ADGRB3: variants seen among roughly 807,000 people sequenced by gnomAD.
ADGRB3 encodes the protein brain-specific angiogenesis inhibitor 3.
Under a neutral mutation model 193.4 loss-of-function variants are expected in ADGRB3, and 37 were observed. The observed-to-expected ratio is 0.19, with a 90% CI of 0.15 to 0.25. The LOEUF (loss-of-function observed/expected upper bound fraction) is 0.25. Ranked by LOEUF, ADGRB3 falls within the 10% of genes least tolerant of loss-of-function variation. The pLI is 1.00. For missense variants in ADGRB3, 1,637 were observed against 1,852.9 expected (o/e 0.88, Z 2.14); for synonymous variants, 690 against 644.2 (o/e 1.07, Z -1.08).
At chr6:69,010,596 A>G (rs1463712091) in intron 11 of ADGRB3, among the ~76,000 whole-genome samples, 1 of 151,990 alleles carries the variant, frequency 6.6e-6, no homozygotes, top group African/African-American at 2.4e-5. Context: ...TTACTCTTGT[A>G]TTACAGATTC....
intron 12 of ADGRB3, among the ~76,000 whole-genome samples, chr6:69,017,013 A>T (rs1770111976): frequency 6.6e-6 from 1 of 151,932 alleles, no homozygotes; most frequent in African/African-American, 2.4e-5. Flanking sequence ...TGAAAGTGGG[A>T]TGATGGGCTT....
intron 3 of ADGRB3, among the ~76,000 whole-genome samples, chr6:68,788,293 G>C (rs1767019696): frequency 6.6e-6 from 1 of 152,006 alleles, no homozygotes; most frequent in African/African-American, 2.4e-5. Flanking sequence ...TGGGCATTTA[G>C]TGCTATAAAT....
chr6:68,666,921 A>T (rs1177005873), intron 3 of ADGRB3, among the ~76,000 whole-genome samples: 2 of 151,720 alleles, frequency 1.3e-5, no homozygotes, highest in Non-Finnish European at 2.9e-5. Flanking sequence ...TATCATATCC[A>T]AATTAATGTG....
intron 3 of ADGRB3, among the ~76,000 whole-genome samples, chr6:68,707,315 A>G (rs1159955441): frequency 6.6e-6 from 1 of 152,052 alleles, no homozygotes; most frequent in African/African-American, 2.4e-5. Flanking sequence ...GTGCTCTTAG[A>G]TACGTTCCTT....
At chr6:68,863,626 A>G (rs906639901) in intron 3 of ADGRB3, among the ~76,000 whole-genome samples, 2 of 152,138 alleles carry the variant, frequency 1.3e-5, no homozygotes, top group Non-Finnish European at 2.9e-5. Flanking sequence ...CATAAAAGGC[A>G]TTTATTGATG....
At chr6:69,061,556 T>G (rs978402948) in intron 15 of ADGRB3, among the ~76,000 whole-genome samples, 10 of 151,978 alleles carry the variant, frequency 6.6e-5, no homozygotes, top group Admixed American at 5.3e-4. Context: ...AAAATATATA[T>G]CCATACATAA....
chr6:68,971,575 C>T (rs1768569591), intron 8 of ADGRB3, among the ~76,000 whole-genome samples: 1 of 151,764 alleles, frequency 6.6e-6, no homozygotes, highest in Non-Finnish European at 1.5e-5. Flanking sequence ...AAATACTATA[C>T]CATTTTATAT....
At chr6:69,371,879 G>A (rs1242238557) in intron 29 of ADGRB3, among the ~76,000 whole-genome samples, 1 of 152,076 alleles carries the variant, frequency 6.6e-6, no homozygotes, top group Non-Finnish European at 1.5e-5. Flanking sequence ...TTTCTGTCAT[G>A]GAGGACTATC....
intron 20 of ADGRB3, among the ~76,000 whole-genome samples, chr6:69,293,029 C>T (rs1174104321): frequency 1.3e-5 from 2 of 152,132 alleles, no homozygotes; most frequent in South Asian, 2.1e-4. Flanking sequence ...CCTGGCAGCT[C>T]CCCACCATGG....
At chr6:68,681,474 C>T (rs1167116623) in intron 3 of ADGRB3, among the ~76,000 whole-genome samples, 1 of 151,988 alleles carries the variant, frequency 6.6e-6, no homozygotes, top group African/African-American at 2.4e-5. Flanking sequence ...GAGATGGGGT[C>T]TCGCGATGTT....
chr6:68,653,901 T>A (rs2127282424), intron 3 of ADGRB3, among the ~76,000 whole-genome samples: 1 of 151,966 alleles, frequency 6.6e-6, no homozygotes, highest in East Asian at 2.0e-4. Context: ...TCACAGCCCC[T>A]CCCTCCCTCT....
chr6:68,868,991 C>G (rs1272943210), intron 3 of ADGRB3, among the ~76,000 whole-genome samples: 1 of 150,258 alleles, frequency 6.7e-6, no homozygotes, highest in South Asian at 2.1e-4. Context: ...CTTTAAAATT[C>G]TGTGCTTTTG....
chr6:69,136,282 A>G (rs1774147177), intron 17 of ADGRB3, among the ~76,000 whole-genome samples: 1 of 152,134 alleles, frequency 6.6e-6, no homozygotes, highest in Admixed American at 6.5e-5. Flanking sequence ...CTCATATTCT[A>G]TATGTAATGC....
chr6:69,243,066 A>G (rs1036097010), intron 20 of ADGRB3, among the ~76,000 whole-genome samples: 1 of 151,944 alleles, frequency 6.6e-6, no homozygotes, highest in African/African-American at 2.4e-5. Context: ...AGAATTTATC[A>G]TATTGAAGAT....
At chr6:69,285,642 G>A (rs1696601870) in intron 20 of ADGRB3, among the ~76,000 whole-genome samples, 1 of 152,060 alleles carries the variant, frequency 6.6e-6, no homozygotes, top group Non-Finnish European at 1.5e-5. Context: ...CTGCACTCCA[G>A]CCTGGGCAAC....
chr6:68,928,401 G>T (rs2342762), intron 3 of ADGRB3, among the ~76,000 whole-genome samples: 21,163 of 151,932 alleles, frequency 0.14, 1,965 homozygotes, highest in Middle Eastern at 0.21. Flanking sequence ...CATGGTGGAT[G>T]GTGCTTGTTG....
At chr6:69,362,738 G>A (rs1398719821) in intron 29 of ADGRB3, among the ~76,000 whole-genome samples, 1 of 151,948 alleles carries the variant, frequency 6.6e-6, no homozygotes, top group East Asian at 1.9e-4. Context: ...GGTGACTGAA[G>A]CTCCCTTCTG....
At position 68,792,801 on chromosome 6, in the gene ADGRB3, G is replaced by A. The variant is rs529337795; in HGVS notation, c.758-137758G>A. On this transcript the variant is annotated intron_variant, in intron 3 of 31. Transcript: ENST00000370598. ...ATCAACAGTAAACAGCCTTCCCGCC[G>A]ATGTCCCCAACTCTTATACTTCAGA... 1.1e-4 allele frequency among the ~76,000 whole-genome samples: 17 copies of A among 152,164 alleles called. No homozygotes were observed. The East Asian group carries it at 2.9e-3, about 26-fold the overall frequency.
rs1765755239 is a variant in ADGRB3 at position 68,730,592 on chromosome 6, A to AT, written c.757+91166dup. 3.3e-5 allele frequency among the ~76,000 whole-genome samples: 5 copies of AT among 151,556 alleles called. No homozygotes were observed. In the East Asian group the frequency reaches 5.8e-4, roughly 18 times the overall value. On this transcript the variant is annotated intron_variant, in intron 3 of 31. Coordinates refer to ENST00000370598, the MANE Select transcript of ADGRB3 (RefSeq NM_001704.3). ...ATTAAAGAGTTGTGAATTATAGAGT[A>AT]TTTTTTCATTTTCCCCATGTTACTT... is the stretch of plus-strand genomic sequence containing the variant.
Sources: allele counts gnomAD v4.1 joint callset (sites outside exome capture counted in the v4.1 genomes callset), GRCh38; gene constraint gnomAD v4.1.1; transcripts MANE v1.5; gene names NCBI Gene and HGNC (gene_info 2026-07-23, HGNC 2026-07-21).